NAV2: variants seen among roughly 807,000 people sequenced by gnomAD.
NAV2 encodes the protein helicase, APC down-regulated 1.
In NAV2, 54 loss-of-function variants were observed where a neutral mutation model predicts 223.2. That is an observed-to-expected ratio of 0.24 (90% CI 0.19 to 0.30). The LOEUF is 0.30. Among genes scored for constraint, NAV2 ranks in the 10% least tolerant of loss-of-function variants. The pLI is 1.00. For synonymous variants in NAV2, 1,279 were observed against 1,239.3 expected (o/e 1.03, Z -0.67); for missense variants, 2,806 against 3,147.5 (o/e 0.89, Z 2.60).
rs778490810 is a variant in NAV2, at chr11:19,948,939, G to A, written c.2504G>A (p.Gly835Asp). ...CTGAGAAGGCAGCTGGCCTCCCGGG[G>A]CAGTAGTGTCTGCCATGTGGACGTC... is the stretch of plus-strand genomic sequence containing the variant. ...APLRRQLASR[G>D]SSVCHVDVSD... The change falls in exon 10 of 38, where the codon GGC becomes GAC. Residue 835 changes from glycine to aspartate, a missense_variant. Gly to Asp is a moderately conservative substitution (Grantham distance 94). Coordinates refer to ENST00000349880, the MANE Select transcript of NAV2 (RefSeq NM_145117.5). The A allele has an allele frequency of 3.7e-6, 6 of 1,613,898 alleles. No individual in the cohort carries two copies. Among genetic ancestry groups the A allele is most frequent in the Non-Finnish European group, 5.1e-6 (6 of 1,179,926 alleles).
intron 1 of NAV2, among the ~76,000 whole-genome samples, chr11:19,699,368 A>G (rs1287075534): frequency 2.6e-5 from 4 of 152,188 alleles, no homozygotes; most frequent in Admixed American, 2.6e-4. Flanking sequence ...TTTAGTTCTT[A>G]CCCCAAATGC....
chr11:19,778,526 A>C (rs1295680053), intron 1 of NAV2, among the ~76,000 whole-genome samples: 1 of 151,844 alleles, frequency 6.6e-6, no homozygotes, highest in Non-Finnish European at 1.5e-5. Context: ...AACAAAACAC[A>C]AAAAAAACAA....
rs563268905 is a variant in NAV2 at position 19,790,818 on chromosome 11, G to A, written c.268-41666G>A. 4.3e-4 allele frequency among the ~76,000 whole-genome samples: 66 copies of A among 152,128 alleles called. 1 individual carries two copies. The East Asian group carries it at 0.012, about 28-fold the overall frequency. On this transcript the variant is annotated intron_variant, in intron 1 of 37. Coordinates refer to ENST00000349880, the MANE Select transcript of NAV2 (RefSeq NM_145117.5). ...TGTTCCTTTCTGTTTGCAAAAGGGG[G>A]GAATATTAGGGCTGGATCTGCTGCC...
At chr11:19,709,546 C>CAAAAAAAA (rs3043492), upstream of NAV2, among the ~76,000 whole-genome samples, 17 of 63,118 alleles carry the variant, frequency 2.7e-4, no homozygotes, top group African/African-American at 3.2e-4. Context: ...GACTCCGTCT[C>CAAAAAAAA]AAAAAAAAAA....
At chr11:19,778,277 T>C in intron 1 of NAV2, 2 of 443,468 alleles carry the variant, frequency 4.5e-6, no homozygotes, top group Non-Finnish European at 8.9e-6. Context: ...ATTCCCCCAT[T>C]AAAGTCAGCC....
At chr11:20,088,969 A>G (rs897489836) in intron 26 of NAV2, among the ~76,000 whole-genome samples, 2 of 151,950 alleles carry the variant, frequency 1.3e-5, no homozygotes, top group Non-Finnish European at 2.9e-5. Context: ...AGATAGAACC[A>G]GTTTTTGCAA....
chr11:19,419,767 A>G (rs1850532912), intron 1 of NAV2, among the ~76,000 whole-genome samples: 1 of 152,204 alleles, frequency 6.6e-6, no homozygotes, highest in Admixed American at 6.5e-5. Context: ...GAAATGGAGA[A>G]GAAGTGAATT....
chr11:19,652,408 G>A (rs908272294), intron 1 of NAV2, among the ~76,000 whole-genome samples: 12 of 152,138 alleles, frequency 7.9e-5, no homozygotes, highest in African/African-American at 2.9e-4. Context: ...AGCTGTGAGG[G>A]CTGCACAGTT....
At chr11:19,449,051 T>C (rs1294288124) in intron 1 of NAV2, among the ~76,000 whole-genome samples, 2 of 152,198 alleles carry the variant, frequency 1.3e-5, no homozygotes, top group Non-Finnish European at 1.5e-5. Flanking sequence ...GATTATTAAA[T>C]TCACTTAGCC....
At chr11:19,491,285 C>G (rs536479863) in intron 1 of NAV2, among the ~76,000 whole-genome samples, 1 of 152,326 alleles carries the variant, frequency 6.6e-6, no homozygotes, top group South Asian at 2.1e-4. Flanking sequence ...TGAGTCTCCT[C>G]TCTAGCTATG....
intron 1 of NAV2, among the ~76,000 whole-genome samples, chr11:19,831,364 A>C (rs1309153278): frequency 6.6e-6 from 1 of 151,978 alleles, no homozygotes; most frequent in African/African-American, 2.4e-5. Context: ...TCCTCGGAGC[A>C]GGCCTACTGG....
At chr11:19,517,286 T>A (rs112357952) in intron 1 of NAV2, among the ~76,000 whole-genome samples, 7 of 152,192 alleles carry the variant, frequency 4.6e-5, no homozygotes, top group African/African-American at 1.7e-4. Flanking sequence ...ATGGTGTTCC[T>A]CCTTTGGGGC....
intron 1 of NAV2, among the ~76,000 whole-genome samples, chr11:19,417,464 T>A (rs1590166452): frequency 6.6e-6 from 1 of 152,140 alleles, no homozygotes; most frequent in East Asian, 1.9e-4. Context: ...GGAGAGGATG[T>A]GGAGAAATAG....
intron 1 of NAV2, among the ~76,000 whole-genome samples, chr11:19,524,953 G>A (rs1387324507): frequency 6.6e-6 from 1 of 152,208 alleles, no homozygotes; most frequent in East Asian, 1.9e-4. Context: ...ATTATATTTA[G>A]CAAGTTTGGA....
At chr11:19,927,281 G>T (rs1302115549) in intron 6 of NAV2, among the ~76,000 whole-genome samples, 3 of 152,150 alleles carry the variant, frequency 2.0e-5, no homozygotes, top group African/African-American at 4.8e-5. Flanking sequence ...CCACTAGTGG[G>T]GCATAAGACC....
At chr11:20,059,596 A>G (rs1487386246) in intron 19 of NAV2, among the ~76,000 whole-genome samples, 1 of 152,116 alleles carries the variant, frequency 6.6e-6, no homozygotes, top group Non-Finnish European at 1.5e-5. Flanking sequence ...AAACAAACAA[A>G]TGAAAAAAGA....
chr11:19,366,621 C>G (rs180694820), intron 1 of NAV2, among the ~76,000 whole-genome samples: 1 of 152,092 alleles, frequency 6.6e-6, no homozygotes, highest in Non-Finnish European at 1.5e-5. Context: ...TAAACAGACC[C>G]CAGATAAAAT....
intron 1 of NAV2, among the ~76,000 whole-genome samples, chr11:19,697,844 G>A (rs1384299900): frequency 6.6e-6 from 1 of 152,220 alleles, no homozygotes; most frequent in Non-Finnish European, 1.5e-5. Context: ...GCTGAGTGGG[G>A]AGGAATGTGA....
intron 3 of NAV2, among the ~76,000 whole-genome samples, chr11:19,853,000 C>T (rs1194298577): frequency 6.6e-6 from 1 of 152,192 alleles, no homozygotes; most frequent in African/African-American, 2.4e-5. Flanking sequence ...TGAAAAGACA[C>T]CAAAATAACA....
Sources: allele counts gnomAD v4.1 joint callset (sites outside exome capture counted in the v4.1 genomes callset), GRCh38; gene constraint gnomAD v4.1.1; transcripts MANE v1.5; gene names NCBI Gene and HGNC (gene_info 2026-07-23, HGNC 2026-07-21).